Variants in CPE observed in about 807,000 individuals in gnomAD.
CPE encodes the protein carboxypeptidase E, also known as carbocypeptidase E.
A neutral mutation model predicts 53.5 loss-of-function variants in CPE; 17 were observed. That is an observed-to-expected ratio of 0.32 (90% confidence interval 0.22 to 0.48). The LOEUF is 0.48. Ranked by LOEUF, CPE falls within the 20% of genes least tolerant of loss-of-function variation. The pLI is 0.99. For missense variants in CPE, 524 were observed against 614.7 expected (o/e 0.85, Z 1.56); for synonymous variants, 226 against 228.8 (o/e 0.99, Z 0.11).
At chr4:165,408,964 G>A (rs1172038397) in intron 1 of CPE, among the ~76,000 whole-genome samples, 1 of 152,172 alleles carries the variant, frequency 6.6e-6, no homozygotes, top group East Asian at 1.9e-4. Flanking sequence ...ACACATTATG[G>A]AATGGATTGG....
At chr4:165,422,812 T>C (rs28622078) in intron 1 of CPE, among the ~76,000 whole-genome samples, 44,699 of 151,276 alleles carry the variant, frequency 0.3, 6,686 homozygotes, top group Middle Eastern at 0.39. Flanking sequence ...CCCGTCTCTA[T>C]TAAAAACACA....
In CPE at chr4:165,398,036, G is replaced by A. The variant is rs575579353; in HGVS notation, c.307+18508G>A. On this transcript the variant is annotated intron_variant, in intron 1 of 8. Transcript: ENST00000402744. ...CACTGTACACAGCTTGAGCGACAGA[G>A]CAAGTCCTCATTTCTAAAAAAAAAA... is the stretch of plus-strand genomic sequence containing the variant. 3.8e-5 allele frequency among the ~76,000 whole-genome samples: 5 copies of A among 130,834 alleles called. No homozygotes were observed. The South Asian group carries it at 1.0e-3, about 27-fold the overall frequency. 85.8% of individuals were successfully genotyped at this position (130,834 alleles called of 152,430 possible).
At chr4:165,408,451 C>T (rs1730987250) in intron 1 of CPE, among the ~76,000 whole-genome samples, 1 of 152,150 alleles carries the variant, frequency 6.6e-6, no homozygotes, top group Admixed American at 6.5e-5. Context: ...CATATTTTCA[C>T]AAGTCATGAA....
rs759889583 is a variant in CPE at position 165,379,519 on chromosome 4, C to A, written c.298C>A (p.His100Asn). 1 of 1,576,928 alleles carries A rather than the reference C, an allele frequency of 6.3e-7. No individual in the cohort carries two copies. ...CGAGCTGTCCGACAACCCTGGCGTC[C>A]ATGAGCCTGGTAAGGGCGCTGCCCC... ...VIELSDNPGVHEPGEPEFKYI... is the reference protein window; with the variant it reads ...VIELSDNPGVNEPGEPEFKYI... The change falls in exon 1 of 9, where the codon CAT becomes AAT. Residue 100 changes from histidine to asparagine, a missense_variant. Transcript: ENST00000402744. The surrounding 1 kb of genome is among the most constrained non-coding windows in gnomAD (Gnocchi z 6.0).
intron 1 of CPE, among the ~76,000 whole-genome samples, chr4:165,409,915 G>A (rs1731009682): frequency 1.3e-5 from 2 of 151,984 alleles, no homozygotes; most frequent in Non-Finnish European, 1.5e-5. Context: ...AAACCACACA[G>A]GTTTTTTTCA....
chr4:165,475,367 A>G (rs1732278289), intron 3 of CPE, among the ~76,000 whole-genome samples: 2 of 152,204 alleles, frequency 1.3e-5, no homozygotes, highest in South Asian at 4.1e-4. Flanking sequence ...GCGCCACCAG[A>G]CAGGGGATGA....
chr4:165,459,011 C>G (rs891169197), intron 1 of CPE, among the ~76,000 whole-genome samples: 2 of 152,162 alleles, frequency 1.3e-5, no homozygotes, highest in Non-Finnish European at 2.9e-5. Flanking sequence ...GGCATAAATT[C>G]CTTTTACCAT....
chr4:165,423,615 T>C (rs921181949), intron 1 of CPE, among the ~76,000 whole-genome samples: 5 of 149,864 alleles, frequency 3.3e-5, no homozygotes, highest in Non-Finnish European at 5.9e-5. Context: ...AAGATAAATA[T>C]ATGTTGATTC....
chr4:165,480,340 G>C (rs1015250427), intron 3 of CPE, among the ~76,000 whole-genome samples: 1 of 152,182 alleles, frequency 6.6e-6, no homozygotes, highest in Admixed American at 6.5e-5. Flanking sequence ...AGCTAAAAAC[G>C]TGCTTAGCTT....
At position 165,398,192 on chromosome 4, in the gene CPE, CTTATT is replaced by C. The variant is rs773022530; in HGVS notation, c.307+18670_307+18674del. 1.8e-3 allele frequency among the ~76,000 whole-genome samples: 252 copies of C among 143,268 alleles called. 1 individual carries two copies. The highest frequency in any genetic ancestry group is 3.7e-3 in the Middle Eastern group (1 of 272). The allele number at this position is 143,268 out of a possible 152,430, so 94.0% of individuals were successfully genotyped here. A position where few individuals can be genotyped will look rare whatever the true frequency, so the allele number is the denominator to read the frequency against. The stretch of plus-strand genomic sequence containing the variant: ...TTAATTATTCTAATTAATACATAAA[CTTATT>C]TTATTAATTGCTTATTTACATCAGA... On this transcript the variant is annotated intron_variant, in intron 1 of 8. Coordinates refer to ENST00000402744, the MANE Select transcript of CPE (RefSeq NM_001873.4).
rs1293683673 is a variant in CPE, at chr4:165,379,235, G to T, written c.14G>T (p.Gly5Val). 34 of 1,240,688 alleles carry T rather than the reference G, an allele frequency of 2.7e-5. No individual in the cohort carries two copies. Among genetic ancestry groups the T allele is most frequent in the Non-Finnish European group, 3.4e-5 (34 of 995,824 alleles). The allele number at this position is 1,240,688 out of a possible 1,614,324, so 76.9% of individuals were successfully genotyped here. Reference protein sequence around the residue: MAGRGGSALLALCGA... With the variant: MAGRVGSALLALCGA... The stretch of plus-strand genomic sequence containing the variant: ...CGGAGCGCAGCGATGGCCGGGCGAG[G>T]GGGCAGCGCGCTGCTGGCTCTGTGC... The change falls in exon 1 of 9, where the codon GGG becomes GTG. Residue 5 changes from glycine to valine, a missense_variant. Transcript: ENST00000402744. The surrounding 1 kb of genome is among the most constrained non-coding windows in gnomAD (Gnocchi z 6.0).
intron 2 of CPE, among the ~76,000 whole-genome samples, chr4:165,464,933 G>T (rs1030889660): frequency 5.3e-5 from 8 of 152,132 alleles, no homozygotes; most frequent in African/African-American, 1.9e-4. Flanking sequence ...ACTGCCTTTT[G>T]TTGAAGAGTA....
rs975596801 is a variant in CPE at position 165,379,463 on chromosome 4, G to T, written c.242G>T (p.Arg81Leu). Residue 81 changes from arginine (R) to leucine (L), a missense_variant, in exon 1 of 9, where the codon CGC becomes CTC. Transcript: ENST00000402744. The surrounding 1 kb of genome is among the most constrained non-coding windows in gnomAD (Gnocchi z 6.0). ...TAISRIYTVG[R>L]SFEGRELLVI... ...ATCAGCAGGATTTACACGGTGGGGC[G>T]CAGCTTCGAGGGCCGGGAGCTCCTG... is the stretch of plus-strand genomic sequence containing the variant. 2 of 1,605,706 alleles carry T rather than the reference G, an allele frequency of 1.2e-6. No individual in the cohort carries two copies. The highest frequency in any genetic ancestry group is 1.3e-5 in the African/African-American group (1 of 74,790).
intron 1 of CPE, among the ~76,000 whole-genome samples, chr4:165,392,405 G>T (rs985822905): frequency 7.0e-6 from 1 of 142,554 alleles, no homozygotes; most frequent in Admixed American, 7.2e-5. Context: ...ATACATATTC[G>T]GAGCTAATCT....
intron 1 of CPE, among the ~76,000 whole-genome samples, chr4:165,462,447 G>A (rs1213843988): frequency 6.6e-6 from 1 of 151,872 alleles, no homozygotes. Context: ...TTGGGGAAGG[G>A]AGCAGGACCA....
chr4:165,479,922 G>A (rs1732373179), intron 3 of CPE, among the ~76,000 whole-genome samples: 1 of 151,308 alleles, frequency 6.6e-6, no homozygotes, highest in South Asian at 2.1e-4. Flanking sequence ...AACCCGGGAG[G>A]CGGAGCTTGC....
At chr4:165,415,127 C>G (rs1731101487) in intron 1 of CPE, 1 of 166,762 alleles carries the variant, frequency 6.0e-6, no homozygotes, top group South Asian at 2.1e-4. Flanking sequence ...GTGCCGGTCT[C>G]CAGAATATCT....
intron 1 of CPE, among the ~76,000 whole-genome samples, chr4:165,462,786 C>G (rs1344653062): frequency 6.6e-6 from 1 of 152,224 alleles, no homozygotes; most frequent in East Asian, 1.9e-4. Context: ...TAGCCCCGAT[C>G]CTGCTCCCAC....
At chr4:165,392,359 TATATC>T (rs1163886240) in intron 1 of CPE, among the ~76,000 whole-genome samples, 2 of 146,492 alleles carry the variant, frequency 1.4e-5, no homozygotes, top group African/African-American at 4.9e-5. Context: ...GTAATATACA[TATATC>T]ATATATTTAC....
Sources: allele counts gnomAD v4.1 joint callset (sites outside exome capture counted in the v4.1 genomes callset), GRCh38; gene constraint gnomAD v4.1.1; non-coding constraint Gnocchi (gnomAD v3.1); transcripts MANE v1.5; gene names NCBI Gene and HGNC (gene_info 2026-07-23, HGNC 2026-07-21).